CHRM3: variants seen among roughly 807,000 people sequenced by gnomAD.
CHRM3 encodes cholinergic receptor muscarinic 3, also known as muscarinic acetylcholine receptor M3.
CHRM3 carries 11 observed loss-of-function variants against 41.8 expected under a neutral mutation model. That is an observed-to-expected ratio of 0.26 (90% CI 0.17 to 0.44). CHRM3 has a LOEUF of 0.44. CHRM3 is among the 20% of genes least tolerant of loss of function. CHRM3 has a pLI of 1.00. For missense variants in CHRM3, 571 were observed against 745.4 expected, an observed-to-expected ratio of 0.77 and a Z score of 2.72; for synonymous variants, 297 against 301.4, an observed-to-expected ratio of 0.99 and a Z score of 0.15.
At chr1:239,539,887 G>A (rs1193258992) in intron 2 of CHRM3, among the ~76,000 whole-genome samples, 1 of 152,142 alleles carries the variant, frequency 6.6e-6, no homozygotes, top group Non-Finnish European at 1.5e-5. Flanking sequence ...AAAATGCTGG[G>A]ATTACAGTCA....
chr1:239,681,393 A>G (rs888594814), intron 5 of CHRM3, among the ~76,000 whole-genome samples: 2 of 152,232 alleles, frequency 1.3e-5, no homozygotes, highest in African/African-American at 4.8e-5. Flanking sequence ...ACCACATTGA[A>G]GCTAAGTGGA....
rs186226820 is a variant in CHRM3, at chr1:239,473,833, G to A, written c.-520-18876G>A. Among the ~76,000 whole-genome samples, 9 of 151,354 alleles carry A rather than the reference G, an allele frequency of 5.9e-5. No individual in the cohort carries two copies. The East Asian group carries it at 9.7e-4, about 16-fold the overall frequency. ...CTGTTAAGGCATATGTAAGTAATGC[G>A]TATTATTTCTGTATACACAGAGTTG... On this transcript the variant is annotated intron_variant, in intron 1 of 6. Coordinates refer to ENST00000676153, the MANE Select transcript of CHRM3 (RefSeq NM_001375978.1).
At chr1:239,696,679 A>G (rs918514193) in intron 5 of CHRM3, among the ~76,000 whole-genome samples, 3 of 152,216 alleles carry the variant, frequency 2.0e-5, no homozygotes, top group Non-Finnish European at 4.4e-5. Flanking sequence ...TGGCACATTT[A>G]TGTAGCTGGC....
chr1:239,753,430 CAGA>C (rs2148595444), intron 5 of CHRM3, among the ~76,000 whole-genome samples: 1 of 152,210 alleles, frequency 6.6e-6, no homozygotes, highest in Non-Finnish European at 1.5e-5. Context: ...ACAATCATGG[CAGA>C]AGGTGAAGGG....
intron 5 of CHRM3, among the ~76,000 whole-genome samples, chr1:239,688,381 T>A (rs1164278059): frequency 6.9e-6 from 1 of 144,828 alleles, no homozygotes; most frequent in African/African-American, 2.5e-5. Context: ...AGCATTGTTT[T>A]GGGTTTTAAA....
chr1:239,507,908 A>G (rs1053903512), intron 2 of CHRM3, among the ~76,000 whole-genome samples: 4 of 152,244 alleles, frequency 2.6e-5, no homozygotes, highest in Non-Finnish European at 5.9e-5. Flanking sequence ...AGAGATTTAA[A>G]TAATTGAAGT....
chr1:239,424,054 CA>C (rs772980892), intron 1 of CHRM3, among the ~76,000 whole-genome samples: 22,579 of 78,584 alleles, frequency 0.29, 1,354 homozygotes, highest in South Asian at 0.4. Context: ...GACTCTGTCT[CA>C]AAAAAAAAAA....
At chr1:239,404,936 C>G (rs545354119) in intron 1 of CHRM3, among the ~76,000 whole-genome samples, 1 of 151,486 alleles carries the variant, frequency 6.6e-6, no homozygotes, top group South Asian at 2.1e-4. Flanking sequence ...CATTTCTGAG[C>G]AAGTAATCAT....
chr1:239,852,080 A>G (rs1674741971), intron 6 of CHRM3, among the ~76,000 whole-genome samples: 1 of 152,148 alleles, frequency 6.6e-6, no homozygotes, highest in Non-Finnish European at 1.5e-5. Context: ...CAGCAGAAAC[A>G]TGAGACAGCA....
At chr1:239,432,076 C>T (rs983539041) in intron 1 of CHRM3, among the ~76,000 whole-genome samples, 1 of 151,998 alleles carries the variant, frequency 6.6e-6, no homozygotes, top group Non-Finnish European at 1.5e-5. Flanking sequence ...CGTGAAGTCT[C>T]GATGGATCAC....
chr1:239,608,133 T>G (rs1177236846), intron 3 of CHRM3, among the ~76,000 whole-genome samples: 2 of 152,242 alleles, frequency 1.3e-5, no homozygotes, highest in Non-Finnish European at 2.9e-5. Flanking sequence ...TGTAAAAAAT[T>G]GCACTATATC....
At chr1:239,659,146 T>TC (rs1201905115) in intron 4 of CHRM3, among the ~76,000 whole-genome samples, 1 of 152,214 alleles carries the variant, frequency 6.6e-6, no homozygotes, top group Non-Finnish European at 1.5e-5. Flanking sequence ...AGGTATGAGT[T>TC]CCAACAACTT....
chr1:239,456,434 T>C (rs1354637698), intron 1 of CHRM3, among the ~76,000 whole-genome samples: 1 of 152,192 alleles, frequency 6.6e-6, no homozygotes, highest in Admixed American at 6.5e-5. Flanking sequence ...TAACATGCTG[T>C]ACAGGTTAAT....
At chr1:239,469,836 C>T (rs113677263) in intron 1 of CHRM3, among the ~76,000 whole-genome samples, 8 of 152,288 alleles carry the variant, frequency 5.3e-5, no homozygotes, top group African/African-American at 1.9e-4. Flanking sequence ...GGATTACAGG[C>T]ATGAGCCACC....
chr1:239,404,243 C>T (rs373305047), intron 1 of CHRM3, among the ~76,000 whole-genome samples: 11 of 147,020 alleles, frequency 7.5e-5, no homozygotes, highest in African/African-American at 2.3e-4. Flanking sequence ...GAGCCGAGAT[C>T]GCACCACTGC....
intron 3 of CHRM3, among the ~76,000 whole-genome samples, chr1:239,589,431 A>G (rs1663822663): frequency 6.6e-6 from 1 of 151,392 alleles, no homozygotes; most frequent in Admixed American, 6.6e-5. Flanking sequence ...AAAAAATCAC[A>G]TATTAGTGCA....
At chr1:239,518,891 T>A (rs1486652604) in intron 2 of CHRM3, among the ~76,000 whole-genome samples, 2 of 152,244 alleles carry the variant, frequency 1.3e-5, no homozygotes, top group Admixed American at 6.5e-5. Flanking sequence ...GTATTTGCAT[T>A]GTACAAATTT....
At chr1:239,795,088 A>C (rs1357640690) in intron 5 of CHRM3, among the ~76,000 whole-genome samples, 1 of 152,198 alleles carries the variant, frequency 6.6e-6, no homozygotes, top group Non-Finnish European at 1.5e-5. Context: ...AATTATCCTT[A>C]ATAAATATTT....
intron 1 of CHRM3, among the ~76,000 whole-genome samples, chr1:239,480,456 A>G (rs1666758048): frequency 6.6e-6 from 1 of 151,924 alleles, no homozygotes; most frequent in African/African-American, 2.4e-5. Flanking sequence ...AAAATAAGAG[A>G]TACCATTTTT....
Sources: allele counts gnomAD v4.1 joint callset (sites outside exome capture counted in the v4.1 genomes callset), GRCh38; gene constraint gnomAD v4.1.1; transcripts MANE v1.5; gene names NCBI Gene and HGNC (gene_info 2026-07-23, HGNC 2026-07-21).